ATG14: variants seen among roughly 807,000 people sequenced by gnomAD.
The protein encoded by ATG14 is beclin 1-associated autophagy-related key regulator.
In ATG14, 35 loss-of-function variants were observed where a neutral mutation model predicts 60.4. The ratio of observed to expected loss-of-function variants is 0.58; its 90% CI spans 0.44 to 0.77. ATG14 has a LOEUF of 0.77. ATG14 is among the 30% of genes least tolerant of loss of function. The pLI is 0.00. For missense variants in ATG14, 647 were observed against 626.3 expected (o/e 1.03, Z -0.35); for synonymous variants, 234 against 228.8 (o/e 1.02, Z -0.21).
chr14:55,395,469 CAGCCTCCCAAGT>C (rs1258527073), intron 3 of ATG14, among the ~76,000 whole-genome samples: 12 of 152,354 alleles, frequency 7.9e-5, no homozygotes, highest in Middle Eastern at 3.4e-3. Flanking sequence ...TCTCCTGCCT[CAGCCTCCCAAGT>C]AGCTGGGATT....
intron 1 of ATG14, among the ~76,000 whole-genome samples, chr14:55,404,835 T>G (rs967211949): frequency 3.3e-5 from 5 of 152,170 alleles, no homozygotes; most frequent in Admixed American, 1.3e-4. Flanking sequence ...AATGTGAACT[T>G]AAGATTAGTA....
intron 2 of ATG14, among the ~76,000 whole-genome samples, chr14:55,396,483 C>G (rs1374370413): frequency 6.6e-6 from 1 of 152,176 alleles, no homozygotes; most frequent in Non-Finnish European, 1.5e-5. Context: ...ATTTAAATTG[C>G]TCATGAATGT....
Position 55,369,858 on chromosome 14 carries a change from C to T in ATG14, c.1240G>A (p.Gly414Arg). The change falls in exon 10 of 10, where the codon GGA becomes AGA. Residue 414 changes from glycine to arginine, a missense_variant. Transcript: ENST00000247178. ...SMEFVDPGVA[G>R]ESDESGDERV... is the part of the protein sequence containing the mutation. The stretch of plus-strand genomic sequence containing the variant: ...TCATCTCCGCTCTCATCTGATTCTC[C>T]AGCAACTCCGGGATCCACAAATTCC... The T allele has an allele frequency of 1.9e-6, 3 of 1,614,168 alleles. No homozygotes were observed. Among genetic ancestry groups the T allele is most frequent in the Non-Finnish European group, 2.5e-6 (3 of 1,180,014 alleles).
chr14:55,403,937 A>G (rs1233497529), intron 1 of ATG14, among the ~76,000 whole-genome samples: 1 of 152,262 alleles, frequency 6.6e-6, no homozygotes, highest in African/African-American at 2.4e-5. Context: ...AAAATTCAAA[A>G]TACTCAAATT....
rs369940987 is a variant in ATG14, at chr14:55,392,842, C to CATCT, written c.328-1854_328-1851dup. ...GATGTTATGGTGAGCGAAACTCTAA[C>CATCT]ATCTCGAATAGAGTCAGACATTCAA... is the stretch of plus-strand genomic sequence containing the variant. On this transcript the variant is annotated intron_variant, in intron 3 of 9. Transcript: ENST00000247178. Among the ~76,000 whole-genome samples, 3 of 152,244 alleles carry CATCT rather than the reference C, an allele frequency of 2.0e-5. No individual in the cohort carries two copies. In the East Asian group the frequency reaches 5.8e-4, roughly 29 times the overall value.
intron 5 of ATG14, 86 bp from the exon 6 acceptor site, chr14:55,382,277 G>A (rs547652383): frequency 2.7e-5 from 32 of 1,195,218 alleles, no homozygotes; most frequent in South Asian, 1.7e-4. Context: ...CTAGAACATC[G>A]AAAAGCTGCC....
chr14:55,409,050 G>C (rs1400806727), intron 1 of ATG14, among the ~76,000 whole-genome samples: 1 of 152,216 alleles, frequency 6.6e-6, no homozygotes, highest in Non-Finnish European at 1.5e-5. Context: ...GCAAGGTAAG[G>C]AAGAGTTGTC....
At chr14:55,395,241 G>A in intron 3 of ATG14, 1 of 359,500 alleles carries the variant, frequency 2.8e-6, no homozygotes, top group Non-Finnish European at 5.6e-6. Flanking sequence ...CATCCTGGCT[G>A]CAGGGAAGGC....
intron 1 of ATG14, among the ~76,000 whole-genome samples, chr14:55,410,393 A>G (rs1193736307): frequency 6.6e-6 from 1 of 152,212 alleles, no homozygotes; most frequent in Non-Finnish European, 1.5e-5. Context: ...TCCATCAGTT[A>G]GACATTTCCA....
chr14:55,370,010 T>A, intron 9 of ATG14, 85 bp from the exon 10 acceptor site: 1 of 1,306,132 alleles, frequency 7.7e-7, no homozygotes, highest in South Asian at 1.6e-5. Context: ...GGCCCTCACC[T>A]GAGGGGATGA....
rs952823527 is a variant in ATG14, at chr14:55,377,587, C to T, written c.1172+232G>A. Reference sequence around the variant, plus strand: ...CAGGAACATGTGGGTTCTTCAACTGCGCTTCAGGTATTAAAAATGATTGAT... The same window carrying T: ...CAGGAACATGTGGGTTCTTCAACTGTGCTTCAGGTATTAAAAATGATTGAT... On this transcript the variant is annotated intron_variant, in intron 9 of 9. Coordinates refer to ENST00000247178, the MANE Select transcript of ATG14 (RefSeq NM_014924.5). Among the ~76,000 whole-genome samples, 7 of 152,138 alleles carry T rather than the reference C, an allele frequency of 4.6e-5. 1 individual carries two copies. In the South Asian group the frequency reaches 6.2e-4, roughly 14 times the overall value.
rs765260330 is a variant in ATG14 at position 55,382,165 on chromosome 14, C to A, written c.674G>T (p.Ser225Ile). ...VRDPADVSSESDSAMTSSTVS... is the reference protein window; with the variant it reads ...VRDPADVSSEIDSAMTSSTVS... ...AGTGCTGGAGGTCATGGCACTGTCA[C>A]TCTCTGAAGACACATCTGCGGGGTC... Residue 225 changes from serine (S) to isoleucine (I), a missense_variant, in exon 6 of 10, where the codon AGT becomes ATT. Transcript: ENST00000247178. 1.4e-5 allele frequency: 23 copies of A among 1,614,154 alleles called. No homozygotes were observed. In the East Asian group the frequency reaches 3.3e-4, roughly 23 times the overall value.
At chr14:55,391,159 T>C in intron 3 of ATG14, 167 bp from the exon 4 acceptor site, 2 of 536,684 alleles carry the variant, frequency 3.7e-6, no homozygotes, top group East Asian at 3.5e-5. Flanking sequence ...AAGAGAACGA[T>C]GTTTTTCTAG....
At chr14:55,384,609 A>T (rs1227381991) in intron 5 of ATG14, among the ~76,000 whole-genome samples, 1 of 152,226 alleles carries the variant, frequency 6.6e-6, no homozygotes, top group Non-Finnish European at 1.5e-5. Context: ...GAGTCAAGAG[A>T]GCAGCTTCTC....
At chr14:55,382,785 A>G (rs1036631799) in intron 5 of ATG14, among the ~76,000 whole-genome samples, 1 of 152,224 alleles carries the variant, frequency 6.6e-6, no homozygotes, top group Non-Finnish European at 1.5e-5. Flanking sequence ...AGGTTCTCAA[A>G]CTACTTGGTC....
At chr14:55,385,703 G>A (rs927992762) in intron 5 of ATG14, among the ~76,000 whole-genome samples, 156 bp downstream of exon 5, 6 of 152,268 alleles carry the variant, frequency 3.9e-5, no homozygotes, top group Admixed American at 2.6e-4. Context: ...AGCTTTCTGC[G>A]GTGCGTACTG....
At chr14:55,399,321 C>T (rs979597673) in intron 1 of ATG14, among the ~76,000 whole-genome samples, 2 of 152,224 alleles carry the variant, frequency 1.3e-5, no homozygotes, top group South Asian at 2.1e-4. Context: ...CTGCCATCCA[C>T]ATTCCAACAG....
chr14:55,385,270 C>A (rs1270067404), intron 5 of ATG14, among the ~76,000 whole-genome samples: 1 of 152,080 alleles, frequency 6.6e-6, no homozygotes, highest in Non-Finnish European at 1.5e-5. Flanking sequence ...CCCAATACCA[C>A]CCATCAGATG....
At chr14:55,392,833 A>T (rs1885242703) in intron 3 of ATG14, among the ~76,000 whole-genome samples, 1 of 152,178 alleles carries the variant, frequency 6.6e-6, no homozygotes, top group Non-Finnish European at 1.5e-5. Context: ...ATGGTGAGCG[A>T]AACTCTAACA....
Sources: gnomAD v4.1 joint callset for allele counts (sites outside exome capture counted in the v4.1 genomes callset) on GRCh38, gnomAD v4.1.1 for gene constraint, MANE v1.5 for transcripts, NCBI Gene and HGNC (gene_info 2026-07-23, HGNC 2026-07-21) for gene names.